TIAM1: variants seen among roughly 807,000 people sequenced by gnomAD.
TIAM1 encodes TIAM Rac1 associated GEF 1.
In TIAM1, 65 loss-of-function variants were observed where a neutral mutation model predicts 163.5. The ratio of observed to expected loss-of-function variants is 0.40; its 90% CI spans 0.33 to 0.49. The LOEUF (loss-of-function observed/expected upper bound fraction) is 0.49. Ranked by LOEUF, TIAM1 falls within the 20% of genes least tolerant of loss-of-function variation. The pLI, the probability that TIAM1 is intolerant of heterozygous loss-of-function variation, is 0.77. For synonymous variants in TIAM1, 833 were observed against 810.1 expected, an observed-to-expected ratio of 1.03 and a Z score of -0.48; for missense variants, 1,789 against 2,044.7, an observed-to-expected ratio of 0.87 and a Z score of 2.41.
At position 31,429,738 on chromosome 21, in the gene TIAM1, A is replaced by AG. The variant is rs767123101; in HGVS notation, c.-369+34244dup. On this transcript the variant is annotated intron_variant, in intron 2 of 28. Coordinates refer to the TIAM1 transcript ENST00000286827. Reference sequence around the variant, plus strand: ...TCAGGCACTGTGCAGTCCAACAGCCAGGGCGTGGAGTCTTCTGTGCACCGC... The same window carrying AG: ...TCAGGCACTGTGCAGTCCAACAGCCAGGGGCGTGGAGTCTTCTGTGCACCGC... 2.0e-5 allele frequency among the ~76,000 whole-genome samples: 3 copies of AG among 152,182 alleles called. No individual in the cohort carries two copies. In the East Asian group the frequency reaches 5.8e-4, roughly 29 times the overall value.
intron 11 of TIAM1, among the ~76,000 whole-genome samples, chr21:31,208,638 G>C (rs996592067): frequency 1.3e-5 from 2 of 152,176 alleles, no homozygotes; most frequent in Non-Finnish European, 2.9e-5. Flanking sequence ...GCTGACTTTA[G>C]TTATGGCCCA....
intron 2 of TIAM1, among the ~76,000 whole-genome samples, chr21:31,377,777 C>T (rs1248153166): frequency 6.6e-6 from 1 of 151,136 alleles, no homozygotes; most frequent in South Asian, 2.1e-4. Flanking sequence ...CATCCAGATG[C>T]GATATCCAGT....
chr21:31,540,374 A>T (rs915711174), intron 1 of TIAM1, among the ~76,000 whole-genome samples: 9 of 151,242 alleles, frequency 6.0e-5, no homozygotes, highest in Non-Finnish European at 2.9e-5. Context: ...AAAAAGAGCA[A>T]TACTCCATCT....
At chr21:31,335,674 C>T (rs765614314) in intron 2 of TIAM1, among the ~76,000 whole-genome samples, 26 of 149,704 alleles carry the variant, frequency 1.7e-4, no homozygotes, top group Non-Finnish European at 3.1e-4. Flanking sequence ...CACTGCACTC[C>T]AGCCTGGGTG....
intron 8 of TIAM1, among the ~76,000 whole-genome samples, chr21:31,222,707 A>ATATATATATATATATATTTTTTTT (rs1235400142): frequency 3.0e-5 from 1 of 32,892 alleles, no homozygotes; most frequent in African/African-American, 1.4e-4. Context: ...ATATATATAT[A>ATATATATATATATATATTTTTTTT]TTTTTTTTTT....
chr21:31,289,769 C>T (rs959189073), intron 2 of TIAM1, among the ~76,000 whole-genome samples: 1 of 152,100 alleles, frequency 6.6e-6, no homozygotes, highest in African/African-American at 2.4e-5. Flanking sequence ...GTCATGGGAA[C>T]GTTTCTCAAA....
intron 2 of TIAM1, among the ~76,000 whole-genome samples, chr21:31,294,490 T>C (rs1442550320): frequency 6.6e-6 from 1 of 152,212 alleles, no homozygotes; most frequent in Non-Finnish European, 1.5e-5. Flanking sequence ...GCAATTGGTA[T>C]TCCATTTTGA....
intron 2 of TIAM1, among the ~76,000 whole-genome samples, chr21:31,319,609 T>C (rs1449709778): frequency 6.6e-6 from 1 of 151,970 alleles, no homozygotes; most frequent in East Asian, 1.9e-4. Context: ...AAACCCCGTC[T>C]GTACTAAAAA....
At chr21:31,217,358 G>T (rs578089182) in intron 9 of TIAM1, among the ~76,000 whole-genome samples, 195 bp downstream of exon 9, 3 of 152,318 alleles carry the variant, frequency 2.0e-5, no homozygotes, top group Admixed American at 6.5e-5. Flanking sequence ...GCAGCTTGGT[G>T]ATAGACTAAT....
At chr21:31,379,957 T>C (rs1050438560) in intron 2 of TIAM1, among the ~76,000 whole-genome samples, 1 of 152,164 alleles carries the variant, frequency 6.6e-6, no homozygotes, top group African/African-American at 2.4e-5. Context: ...CAAAACTTTA[T>C]AAATGTACTA....
chr21:31,207,590 T>C (rs2146540268), intron 11 of TIAM1, among the ~76,000 whole-genome samples: 1 of 152,266 alleles, frequency 6.6e-6, no homozygotes, highest in Middle Eastern at 3.4e-3. Context: ...TAAAATCAGA[T>C]CCACTAATTA....
chr21:31,150,486 G>T (rs538718529), intron 19 of TIAM1, among the ~76,000 whole-genome samples: 33 of 152,162 alleles, frequency 2.2e-4, no homozygotes, highest in African/African-American at 7.7e-4. Context: ...AGGATCAAAC[G>T]ACAGCCATTG....
At chr21:31,459,613 C>A (rs1238512394) in intron 2 of TIAM1, among the ~76,000 whole-genome samples, 1 of 152,110 alleles carries the variant, frequency 6.6e-6, no homozygotes, top group African/African-American at 2.4e-5. Flanking sequence ...GCCTCCCCAC[C>A]CTAGATGGCG....
intron 2 of TIAM1, among the ~76,000 whole-genome samples, chr21:31,359,585 G>A (rs2076369355): frequency 6.6e-6 from 1 of 152,008 alleles, no homozygotes; most frequent in African/African-American, 2.4e-5. Flanking sequence ...ACAAAGTCAA[G>A]AGTTTGAGAC....
intron 2 of TIAM1, among the ~76,000 whole-genome samples, chr21:31,332,077 A>G (rs1445096964): frequency 1.3e-5 from 2 of 152,152 alleles, no homozygotes; most frequent in Admixed American, 6.5e-5. Flanking sequence ...TCTGCTCTCA[A>G]AATTACTTCC....
intron 2 of TIAM1, among the ~76,000 whole-genome samples, chr21:31,299,105 A>G (rs1334423313): frequency 6.6e-6 from 1 of 152,230 alleles, no homozygotes; most frequent in African/African-American, 2.4e-5. Flanking sequence ...ATTTCTAATC[A>G]TGGGTTTCTT....
At chr21:31,523,774 A>T (rs992907050) in intron 1 of TIAM1, among the ~76,000 whole-genome samples, 1 of 152,076 alleles carries the variant, frequency 6.6e-6, no homozygotes. Flanking sequence ...AAATACAAAA[A>T]TTAGCCAGGC....
intron 9 of TIAM1, 103 bp from the exon 10 acceptor site, chr21:31,213,575 A>G: frequency 1.1e-6 from 1 of 935,802 alleles, no homozygotes; most frequent in East Asian, 2.5e-5. Flanking sequence ...AAAACCTTAC[A>G]CACGTGTTCA....
intron 12 of TIAM1, among the ~76,000 whole-genome samples, chr21:31,202,378 C>G (rs1183150833): frequency 6.7e-6 from 1 of 149,562 alleles, no homozygotes; most frequent in East Asian, 2.0e-4. Context: ...AAAGCAGGAT[C>G]CTGTCTCTAC....
Sources: allele counts gnomAD v4.1 joint callset (sites outside exome capture counted in the v4.1 genomes callset), GRCh38; gene constraint gnomAD v4.1.1; transcripts MANE v1.5; gene names NCBI Gene and HGNC (gene_info 2026-07-23, HGNC 2026-07-21).